AKAP11: variants seen among roughly 807,000 people sequenced by gnomAD.
AKAP11 encodes A-kinase anchoring protein 11, also known as A-kinase anchor protein 11.
A neutral mutation model predicts 146.1 loss-of-function variants in AKAP11; 36 were observed. The observed-to-expected ratio is 0.25, with a 90% CI of 0.19 to 0.33. AKAP11 has a LOEUF of 0.33. Ranked by LOEUF, AKAP11 falls within the 10% of genes least tolerant of loss-of-function variation. The pLI is 1.00. For synonymous variants in AKAP11, 780 were observed against 786.5 expected (o/e 0.99, Z 0.14); for missense variants, 2,201 against 2,197.0 (o/e 1.00, Z -0.04).
chr13:42,320,444 G>C lies in AKAP11; in HGVS notation c.*1216G>C, dbSNP rs1961037855. On this transcript the variant is annotated 3_prime_UTR_variant, in exon 13 of 13. Coordinates refer to ENST00000025301, the MANE Select transcript of AKAP11 (RefSeq NM_016248.4). ...CAAGTTGACATGAATAGAGGACAAA[G>C]GTTGTGTCTTGCTTTTGTCTCTCTC... The C allele has an allele frequency of 6.6e-6, 1 of 151,256 alleles. No homozygotes were observed. The highest frequency in any genetic ancestry group is 1.5e-5 in the Non-Finnish European group (1 of 67,914). The allele number at this position is 151,256 out of a possible 1,614,324, so 9.4% of individuals were successfully genotyped here.
At chr13:42,286,272 A>C (rs1959165473) in intron 2 of AKAP11, 28 bp from the exon 3 acceptor site, 2 of 922,360 alleles carry the variant, frequency 2.2e-6, no homozygotes, top group Admixed American at 2.6e-5. Context: ...AGATCAATAA[A>C]TAAGTTGTTT....
At chr13:42,296,272 T>G (rs953644081) in intron 5 of AKAP11, among the ~76,000 whole-genome samples, 2 of 152,150 alleles carry the variant, frequency 1.3e-5, no homozygotes, top group Admixed American at 6.5e-5. Context: ...ATCAGGTGAT[T>G]ATGGGCAAAA....
rs1959248671 is a variant in AKAP11, at chr13:42,292,380, T to C, written c.52-5T>C. On this transcript the variant is annotated splice_polypyrimidine_tract_variant and splice_region_variant and intron_variant, in intron 3 of 12. Coordinates refer to ENST00000025301, the MANE Select transcript of AKAP11 (RefSeq NM_016248.4). ...TGAAATATCTTTGCTTTCTTTCCCC[T>C]GCAGAGCTTCAGTGAAGATGTGTTC... is the stretch of plus-strand genomic sequence containing the variant. The C allele has an allele frequency of 6.5e-7, 1 of 1,531,216 alleles. No individual in the cohort carries two copies. The highest frequency in any genetic ancestry group is 8.9e-7 in the Non-Finnish European group (1 of 1,120,332). The allele number at this position is 1,531,216 out of a possible 1,614,324, so 94.9% of individuals were successfully genotyped here. A position where few individuals can be genotyped will look rare whatever the true frequency, so the allele number is the denominator to read the frequency against.
At chr13:42,319,051 G>A in intron 12 of AKAP11, 37 bp from the exon 13 acceptor site, 2 of 1,588,720 alleles carry the variant, frequency 1.3e-6, no homozygotes, top group African/African-American at 1.4e-5. Context: ...TTATAAAATT[G>A]TTTTTGGTTA....
intron 3 of AKAP11, among the ~76,000 whole-genome samples, chr13:42,290,057 T>C (rs1473679098): frequency 1.3e-5 from 2 of 152,160 alleles, no homozygotes; most frequent in Non-Finnish European, 2.9e-5. Context: ...GTCTCAAGTA[T>C]CCTTGTAACT....
At chr13:42,305,908 GGAGA>G (rs201142891) in intron 8 of AKAP11, among the ~76,000 whole-genome samples, 1 of 152,100 alleles carries the variant, frequency 6.6e-6, no homozygotes, top group African/African-American at 2.4e-5. Flanking sequence ...CAAGGCAGCA[GGAGA>G]GAGAGAGAAG....
chr13:42,313,298 A>G (rs1485736505), intron 10 of AKAP11, among the ~76,000 whole-genome samples, 168 bp downstream of exon 10: 1 of 152,226 alleles, frequency 6.6e-6, no homozygotes, highest in Non-Finnish European at 1.5e-5. Context: ...AAAAACTTCA[A>G]CTGTGCTAAG....
At chr13:42,307,704 G>T (rs1960340205) in intron 8 of AKAP11, among the ~76,000 whole-genome samples, 1 of 152,112 alleles carries the variant, frequency 6.6e-6, no homozygotes, top group Non-Finnish European at 1.5e-5. Flanking sequence ...GGGCCAGGGA[G>T]AACAGTAGGA....
chr13:42,280,644 A>ATTCC (rs1315173910), intron 1 of AKAP11, among the ~76,000 whole-genome samples: 3 of 152,220 alleles, frequency 2.0e-5, no homozygotes, highest in Non-Finnish European at 4.4e-5. Context: ...ACAGGAGGGA[A>ATTCC]GTATGCAAAC....
chr13:42,294,647 CA>C (rs1245732293), intron 4 of AKAP11, among the ~76,000 whole-genome samples: 2 of 152,086 alleles, frequency 1.3e-5, no homozygotes, highest in Non-Finnish European at 2.9e-5. Flanking sequence ...GTGATCCATC[CA>C]CCTCAGCCTC....
intron 7 of AKAP11, 115 bp downstream of exon 7, chr13:42,298,912 ACCTTTT>A: frequency 9.0e-7 from 1 of 1,109,928 alleles, no homozygotes. Context: ...TTCAATTTAA[ACCTTTT>A]AACTTTTTTT....
At chr13:42,305,712 A>G (rs1481156206) in intron 8 of AKAP11, among the ~76,000 whole-genome samples, 3 of 152,208 alleles carry the variant, frequency 2.0e-5, no homozygotes, top group African/African-American at 7.2e-5. Flanking sequence ...TATGACCAGC[A>G]GTGCCTATGT....
At chr13:42,278,669 A>G (rs1168371425) in intron 1 of AKAP11, among the ~76,000 whole-genome samples, 7 of 152,170 alleles carry the variant, frequency 4.6e-5, no homozygotes, top group Admixed American at 3.3e-4. Context: ...AAACAGTTAT[A>G]TTTTAACTGT....
intron 4 of AKAP11, among the ~76,000 whole-genome samples, chr13:42,293,111 A>G (rs1959293547): frequency 6.6e-6 from 1 of 152,216 alleles, no homozygotes; most frequent in East Asian, 1.9e-4. Context: ...GTTACCAAAT[A>G]CGAGATGTAT....
intron 9 of AKAP11, among the ~76,000 whole-genome samples, chr13:42,310,564 C>T (rs993242989): frequency 7.9e-5 from 12 of 151,982 alleles, no homozygotes; most frequent in South Asian, 2.1e-4. Flanking sequence ...AAGACTTCGG[C>T]GATTTGGGCT....
chr13:42,323,164 G>A lies in AKAP11; in HGVS notation c.*3936G>A, dbSNP rs562636711. ...TCAAAAAATTTCAGAAATTACTTTTGTAATTATTTGCAATTAATTGTTCTT... is the reference window on the plus strand; with the variant it reads ...TCAAAAAATTTCAGAAATTACTTTTATAATTATTTGCAATTAATTGTTCTT... On this transcript the variant is annotated 3_prime_UTR_variant, in exon 13 of 13. Transcript: ENST00000025301. 2 of 152,792 alleles carry A rather than the reference G, an allele frequency of 1.3e-5. No individual in the cohort carries two copies. The highest frequency in any genetic ancestry group is 1.3e-4 in the Admixed American group (2 of 15,284). 9.5% of individuals were successfully genotyped at this position (152,792 alleles called of 1,614,324 possible).
upstream of AKAP11, among the ~76,000 whole-genome samples, chr13:42,271,860 C>CCCGCGGGCTGCT (rs543872353): frequency 4.6e-3 from 702 of 151,582 alleles, 4 homozygotes; most frequent in Non-Finnish European, 7.2e-3. Context: ...GCGGGGCTGC[C>CCCGCGGGCTGCT]CCGCGGGCTG....
chr13:42,273,580 C>T (rs1379769396), intron 1 of AKAP11, among the ~76,000 whole-genome samples: 1 of 152,120 alleles, frequency 6.6e-6, no homozygotes, highest in East Asian at 1.9e-4. Context: ...ACCCACATAA[C>T]TGCAGTATCG....
At chr13:42,278,637 C>G (rs903684717) in intron 1 of AKAP11, among the ~76,000 whole-genome samples, 1 of 152,108 alleles carries the variant, frequency 6.6e-6, no homozygotes, top group African/African-American at 2.4e-5. Context: ...CTTAAACCCT[C>G]TAATTAATTG....
Sources: gnomAD v4.1 joint callset for allele counts (sites outside exome capture counted in the v4.1 genomes callset) on GRCh38, gnomAD v4.1.1 for gene constraint, MANE v1.5 for transcripts, NCBI Gene and HGNC (gene_info 2026-07-23, HGNC 2026-07-21) for gene names.